KIF6: variants seen among roughly 807,000 people sequenced by gnomAD.
The protein encoded by KIF6 is kinesin family member 6, also known as kinesin-like protein KIF6.
Under a neutral mutation model 112.7 loss-of-function variants are expected in KIF6, and 106 were observed. That is an observed-to-expected ratio of 0.94 (90% CI 0.80 to 1.11). The LOEUF (loss-of-function observed/expected upper bound fraction) is 1.11. Ranked by LOEUF, KIF6 falls within the 50% of genes least tolerant of loss-of-function variation. The pLI, the probability that KIF6 is intolerant of heterozygous loss-of-function variation, is 0.00. For missense variants in KIF6, 929 were observed against 964.0 expected, an observed-to-expected ratio of 0.96 and a Z score of 0.48; for synonymous variants, 339 against 339.9, an observed-to-expected ratio of 1.00 and a Z score of 0.03.
intron 13 of KIF6, among the ~76,000 whole-genome samples, chr6:39,511,719 T>G (rs1385104622): frequency 6.6e-6 from 1 of 152,162 alleles, no homozygotes; most frequent in Non-Finnish European, 1.5e-5. Context: ...TAGACTGAAT[T>G]AAGAAAATGT....
chr6:39,710,328 A>G (rs1022687261), intron 3 of KIF6, among the ~76,000 whole-genome samples: 1 of 152,172 alleles, frequency 6.6e-6, no homozygotes, highest in Non-Finnish European at 1.5e-5. Context: ...CAGAAACAGC[A>G]TGCTCAAACA....
chr6:39,556,308 G>A (rs1183329588), intron 10 of KIF6, among the ~76,000 whole-genome samples: 1 of 152,188 alleles, frequency 6.6e-6, no homozygotes, highest in African/African-American at 2.4e-5. Flanking sequence ...TGGGAGTGGA[G>A]AAGGGAGTCA....
At chr6:39,590,815 G>A (rs2150673266) in intron 7 of KIF6, among the ~76,000 whole-genome samples, 1 of 152,268 alleles carries the variant, frequency 6.6e-6, no homozygotes, top group Non-Finnish European at 1.5e-5. Context: ...AACAGAAAAT[G>A]TAACCCAAAC....
chr6:39,421,779 T>A (rs559354705), intron 14 of KIF6, among the ~76,000 whole-genome samples: 1 of 152,322 alleles, frequency 6.6e-6, no homozygotes, highest in East Asian at 1.9e-4. Flanking sequence ...CGACGGCCTG[T>A]CACCTTCCAG....
chr6:39,469,064 T>C lies in KIF6; in HGVS notation c.1646-37903A>G, dbSNP rs143725902. On this transcript the variant is annotated intron_variant, in intron 13 of 22. Transcript: ENST00000287152. ...AAAGGGAAGCATGAATAGAGATATA[T>C]AGGATTAACCTATCTCACTGGAATT... Among the ~76,000 whole-genome samples, 9 of 152,092 alleles carry C rather than the reference T, an allele frequency of 5.9e-5. No homozygotes were observed. The East Asian group carries it at 1.5e-3, about 26-fold the overall frequency.
In KIF6 at chr6:39,545,577, G is replaced by C. The variant is rs1779028017; in HGVS notation, c.1287+6C>G. 6.3e-7 allele frequency: 1 copy of C among 1,597,964 alleles called. No individual in the cohort carries two copies. The highest frequency in any genetic ancestry group is 1.3e-5 in the African/African-American group (1 of 74,570). On this transcript the variant is annotated splice_donor_region_variant and intron_variant, in intron 11 of 22. Transcript: ENST00000287152. ...TGGCTTCTATTGGGGAAACATTTAA[G>C]TTTACCTTTAAATGATGAAAACAGT...
chr6:39,364,468 C>G (rs746878679), intron 16 of KIF6, among the ~76,000 whole-genome samples: 3 of 152,144 alleles, frequency 2.0e-5, no homozygotes, highest in Non-Finnish European at 4.4e-5. Context: ...CCTGAAGTCT[C>G]AGTGACCTGG....
At chr6:39,377,952 C>T (rs1220968249) in intron 16 of KIF6, among the ~76,000 whole-genome samples, 1 of 152,054 alleles carries the variant, frequency 6.6e-6, no homozygotes, top group Non-Finnish European at 1.5e-5. Flanking sequence ...GGGGTAGTGC[C>T]CAAGAGGTAG....
chr6:39,655,497 A>AT (rs1234124548), intron 3 of KIF6, among the ~76,000 whole-genome samples: 3 of 151,820 alleles, frequency 2.0e-5, no homozygotes, highest in African/African-American at 7.3e-5. Context: ...TTTGCATTTC[A>AT]TGTCTTCACA....
At chr6:39,454,758 C>T (rs548169381) in intron 13 of KIF6, among the ~76,000 whole-genome samples, 12 of 152,162 alleles carry the variant, frequency 7.9e-5, no homozygotes, top group East Asian at 5.8e-4. Context: ...AAAGGGATGA[C>T]GGACGCACCT....
intron 19 of KIF6, among the ~76,000 whole-genome samples, chr6:39,347,089 A>T (rs548309391): frequency 5.3e-5 from 8 of 152,232 alleles, no homozygotes; most frequent in Admixed American, 2.6e-4. Context: ...AATCCTCTCA[A>T]TGACCTAAGA....
At chr6:39,377,888 AAGG>A (rs947994894) in intron 16 of KIF6, among the ~76,000 whole-genome samples, 30 of 152,116 alleles carry the variant, frequency 2.0e-4, no homozygotes, top group Admixed American at 4.6e-4. Flanking sequence ...GCTTTTGTTC[AAGG>A]AGATCTTTGT....
At chr6:39,495,919 C>T (rs1363062782) in intron 13 of KIF6, among the ~76,000 whole-genome samples, 2 of 152,146 alleles carry the variant, frequency 1.3e-5, no homozygotes, top group Non-Finnish European at 2.9e-5. Context: ...GAGGGGGATA[C>T]CTTCAGGGGC....
chr6:39,680,135 G>A (rs1026056988), intron 3 of KIF6, among the ~76,000 whole-genome samples: 2 of 152,010 alleles, frequency 1.3e-5, no homozygotes, highest in Non-Finnish European at 2.9e-5. Flanking sequence ...AGCCTCCCAA[G>A]TAGCTGGGAT....
chr6:39,508,209 C>T (rs1446081887), intron 13 of KIF6, among the ~76,000 whole-genome samples: 1 of 151,790 alleles, frequency 6.6e-6, no homozygotes, highest in Non-Finnish European at 1.5e-5. Context: ...CAGGGGAGTT[C>T]TACGTGCATT....
chr6:39,705,851 C>T (rs1333524391), intron 3 of KIF6, among the ~76,000 whole-genome samples: 1 of 152,144 alleles, frequency 6.6e-6, no homozygotes, highest in Non-Finnish European at 1.5e-5. Flanking sequence ...CCTTCCTTTC[C>T]TTCGCTTTCT....
intron 13 of KIF6, among the ~76,000 whole-genome samples, chr6:39,532,419 G>T (rs550973961): frequency 3.3e-5 from 5 of 152,234 alleles, no homozygotes; most frequent in Admixed American, 6.5e-5. Context: ...ATGAATAAAT[G>T]AATGAATAAA....
chr6:39,358,116 T>C (rs1049300818), intron 18 of KIF6, among the ~76,000 whole-genome samples: 3 of 152,220 alleles, frequency 2.0e-5, no homozygotes, highest in Non-Finnish European at 2.9e-5. Flanking sequence ...TGTCCCCACA[T>C]AGGCCTCAAG....
chr6:39,553,297 T>A (rs1051810477), intron 10 of KIF6, among the ~76,000 whole-genome samples: 1 of 152,038 alleles, frequency 6.6e-6, no homozygotes, highest in Non-Finnish European at 1.5e-5. Context: ...TCCTATAGAG[T>A]TTTCCTTCTG....
Sources: gnomAD v4.1 joint callset for allele counts (sites outside exome capture counted in the v4.1 genomes callset) on GRCh38, gnomAD v4.1.1 for gene constraint, MANE v1.5 for transcripts, NCBI Gene and HGNC (gene_info 2026-07-23, HGNC 2026-07-21) for gene names.